P3H2: variants seen among roughly 807,000 people sequenced by gnomAD.
The protein encoded by P3H2 is prolyl 3-hydroxylase 2.
P3H2 carries 80 observed loss-of-function variants against 87.0 expected under a neutral mutation model. The observed-to-expected ratio is 0.92, with a 90% CI of 0.77 to 1.11. The LOEUF is 1.11. Ranked by LOEUF, P3H2 falls within the 50% of genes least tolerant of loss-of-function variation. The probability of loss-of-function intolerance (pLI) is 0.00; values close to 1 mark genes in which losing one functional copy is unlikely to be tolerated. For synonymous variants in P3H2, 367 were observed against 359.3 expected, an observed-to-expected ratio of 1.02 and a Z score of -0.24; for missense variants, 1,001 against 923.9, an observed-to-expected ratio of 1.08 and a Z score of -1.08.
At chr3:189,974,047 G>T in intron 9 of P3H2, 43 bp from the exon 10 acceptor site, 1 of 1,488,134 alleles carries the variant, frequency 6.7e-7, no homozygotes, top group Non-Finnish European at 9.4e-7. Context: ...TGATAACTAT[G>T]AATTCATCAG....
chr3:190,122,198 C>T (rs1560028177), upstream of P3H2: 1 of 151,426 alleles, frequency 6.6e-6, no homozygotes, highest in Non-Finnish European at 1.5e-5. Flanking sequence ...TAGTATATCC[C>T]TTACCTCAAG....
At chr3:189,984,250 C>T (rs1305034658) in intron 7 of P3H2, among the ~76,000 whole-genome samples, 1 of 152,018 alleles carries the variant, frequency 6.6e-6, no homozygotes. Flanking sequence ...AAATCAAAAC[C>T]AGTATCCAAC....
intron 1 of P3H2, among the ~76,000 whole-genome samples, chr3:190,098,072 A>AT (rs1335359909): frequency 6.6e-6 from 1 of 152,238 alleles, no homozygotes; most frequent in Non-Finnish European, 1.5e-5. Flanking sequence ...GGTAAAAGTA[A>AT]TTTTTTAAAA....
chr3:190,018,108 G>C (rs1483148095), intron 1 of P3H2, among the ~76,000 whole-genome samples: 1 of 152,116 alleles, frequency 6.6e-6, no homozygotes, highest in Admixed American at 6.5e-5. Context: ...AGAATTATAT[G>C]AAACTTTGTA....
Position 190,002,192 on chromosome 3 carries a change from T to A in P3H2, c.481-6750A>T, listed in dbSNP as rs147868341. 4.7e-3 allele frequency among the ~76,000 whole-genome samples: 713 copies of A among 152,210 alleles called. 6 individuals carry two copies. The highest frequency in any genetic ancestry group is 0.016 in the African/African-American group (664 of 41,550). ...TACATTAATATAACTTGTAAAAAGA[T>A]CCATATTTGAAATTTTCACAATTCA... On this transcript the variant is annotated intron_variant, in intron 1 of 14. Coordinates refer to ENST00000319332, the MANE Select transcript of P3H2 (RefSeq NM_018192.4).
intron 1 of P3H2, among the ~76,000 whole-genome samples, chr3:189,998,297 T>C (rs1162716115): frequency 2.0e-5 from 3 of 152,236 alleles, no homozygotes; most frequent in African/African-American, 7.2e-5. Context: ...TCTACAGCAC[T>C]AGACGTTAAA....
chr3:190,015,148 A>G (rs900642657), intron 1 of P3H2, among the ~76,000 whole-genome samples: 2 of 152,116 alleles, frequency 1.3e-5, no homozygotes, highest in African/African-American at 2.4e-5. Context: ...AGTAGCTGGG[A>G]CCACAGGTGT....
At chr3:190,063,322 C>G (rs1172873845) in intron 1 of P3H2, among the ~76,000 whole-genome samples, 7 of 152,128 alleles carry the variant, frequency 4.6e-5, no homozygotes, top group African/African-American at 1.7e-4. Context: ...CTGAGCACAG[C>G]ATCCTACTTG....
chr3:190,094,374 C>T (rs942244646), intron 1 of P3H2, among the ~76,000 whole-genome samples: 12 of 152,172 alleles, frequency 7.9e-5, no homozygotes, highest in South Asian at 2.1e-4. Context: ...AGTTATTTTC[C>T]ATTTCTCTTA....
At chr3:190,016,193 C>T (rs1343766140) in intron 1 of P3H2, among the ~76,000 whole-genome samples, 1 of 152,084 alleles carries the variant, frequency 6.6e-6, no homozygotes, top group Non-Finnish European at 1.5e-5. Context: ...ACCTTAATTG[C>T]CTCATGTGTA....
At chr3:190,106,059 T>A (rs1711821388) in intron 1 of P3H2, among the ~76,000 whole-genome samples, 1 of 152,162 alleles carries the variant, frequency 6.6e-6, no homozygotes, top group Non-Finnish European at 1.5e-5. Context: ...GAAGGAGGCT[T>A]AAAGAGGTTT....
At chr3:190,110,777 T>G (rs1305802287) in intron 1 of P3H2, among the ~76,000 whole-genome samples, 3 of 152,230 alleles carry the variant, frequency 2.0e-5, no homozygotes, top group Non-Finnish European at 4.4e-5. Context: ...AATTTAGCAT[T>G]CAAGCAAGAA....
chr3:189,995,554 TG>T, intron 1 of P3H2, 112 bp from the exon 2 acceptor site: 2 of 899,072 alleles, frequency 2.2e-6, no homozygotes, highest in Non-Finnish European at 1.5e-6. Context: ...CTAGGAGCCT[TG>T]GTTTTTTTTT....
chr3:190,027,830 G>T (rs761323065), intron 1 of P3H2, among the ~76,000 whole-genome samples: 8 of 151,794 alleles, frequency 5.3e-5, no homozygotes, highest in Non-Finnish European at 1.2e-4. Flanking sequence ...GAGGTCCTTT[G>T]TGCTGGGTCT....
intron 1 of P3H2, among the ~76,000 whole-genome samples, chr3:190,086,209 C>T (rs1032580142): frequency 5.5e-4 from 83 of 152,284 alleles, no homozygotes; most frequent in Non-Finnish European, 1.8e-4. Flanking sequence ...CCCAAAGCCA[C>T]TATCCTATTT....
chr3:190,109,845 C>CTTT (rs141845406), intron 1 of P3H2, among the ~76,000 whole-genome samples: 15 of 124,578 alleles, frequency 1.2e-4, no homozygotes, highest in East Asian at 2.4e-4. Context: ...GATGCCCAGT[C>CTTT]TTTTTTTTTT....
At chr3:189,976,277 T>C (rs748346618) in intron 8 of P3H2, among the ~76,000 whole-genome samples, 15 of 152,204 alleles carry the variant, frequency 9.9e-5, no homozygotes, top group Non-Finnish European at 1.9e-4. Context: ...TTGCTGCTAA[T>C]AAACACATAC....
intron 1 of P3H2, among the ~76,000 whole-genome samples, chr3:190,106,131 T>A (rs538706245): frequency 6.6e-6 from 1 of 152,180 alleles, no homozygotes; most frequent in South Asian, 2.1e-4. Context: ...CAGAGAAGAT[T>A]TGGAATGTGT....
chr3:189,989,766 C>T (rs965226965), intron 3 of P3H2, among the ~76,000 whole-genome samples: 8 of 152,112 alleles, frequency 5.3e-5, no homozygotes, highest in African/African-American at 1.9e-4. Context: ...TTTCTCTTCA[C>T]TCCCCTTTCT....
Sources: gnomAD v4.1 joint callset for allele counts (sites outside exome capture counted in the v4.1 genomes callset) on GRCh38, gnomAD v4.1.1 for gene constraint, MANE v1.5 for transcripts, NCBI Gene and HGNC (gene_info 2026-07-23, HGNC 2026-07-21) for gene names.